Variants in GMDS observed in about 807,000 individuals in gnomAD.
GMDS encodes the protein GDP-mannose 4,6-dehydratase.
In GMDS, 20 loss-of-function variants were observed where a neutral mutation model predicts 49.9. That is an observed-to-expected ratio of 0.40 (90% confidence interval 0.28 to 0.58). GMDS has a LOEUF of 0.58. Ranked by LOEUF, GMDS falls within the 20% of genes least tolerant of loss-of-function variation. The pLI, the probability that GMDS is intolerant of heterozygous loss-of-function variation, is 0.42. For missense variants in GMDS, 362 were observed against 481.4 expected, an observed-to-expected ratio of 0.75 and a Z score of 2.32; for synonymous variants, 177 against 178.6, an observed-to-expected ratio of 0.99 and a Z score of 0.07.
chr6:2,022,307 A>ATCC, intron 4 of GMDS, among the ~76,000 whole-genome samples: 1 of 152,244 alleles, frequency 6.6e-6, no homozygotes, highest in East Asian at 1.9e-4. Flanking sequence ...AAATGGGTGG[A>ATCC]TATAGGATCC....
intron 4 of GMDS, among the ~76,000 whole-genome samples, chr6:1,980,615 A>C (rs1311207879): frequency 6.6e-6 from 1 of 152,126 alleles, no homozygotes; most frequent in Non-Finnish European, 1.5e-5. Context: ...AGACTTTAAC[A>C]CTCCACTGAT....
chr6:1,926,948 T>C (rs1453883127), intron 7 of GMDS, among the ~76,000 whole-genome samples: 2 of 152,240 alleles, frequency 1.3e-5, no homozygotes, highest in Non-Finnish European at 2.9e-5. Context: ...TGTCTCTCCA[T>C]GGAATCTGAC....
intron 9 of GMDS, among the ~76,000 whole-genome samples, chr6:1,687,708 G>A (rs555420536): frequency 7.2e-5 from 11 of 152,244 alleles, no homozygotes; most frequent in South Asian, 2.1e-4. Flanking sequence ...GAGAAGCCAC[G>A]GAGGCTTCTC....
chr6:1,841,570 T>C (rs1757153483), intron 7 of GMDS, among the ~76,000 whole-genome samples: 1 of 152,202 alleles, frequency 6.6e-6, no homozygotes, highest in African/African-American at 2.4e-5. Flanking sequence ...ATTTAAAAGA[T>C]TTCCAAAGAT....
intron 7 of GMDS, among the ~76,000 whole-genome samples, chr6:1,917,698 G>A (rs115241665): frequency 0.01 from 1,558 of 152,356 alleles, 28 homozygotes; most frequent in African/African-American, 0.036. Context: ...CAAAGTAGGC[G>A]CAGCTCTGCT....
chr6:2,243,246 C>G (rs542679472), intron 1 of GMDS, among the ~76,000 whole-genome samples: 1 of 152,262 alleles, frequency 6.6e-6, no homozygotes, highest in Admixed American at 6.5e-5. Flanking sequence ...AGGTAGACTC[C>G]CATGACAGGC....
At chr6:1,811,046 T>G (rs1770406859) in intron 7 of GMDS, among the ~76,000 whole-genome samples, 1 of 152,148 alleles carries the variant, frequency 6.6e-6, no homozygotes, top group South Asian at 2.1e-4. Flanking sequence ...TTTAGGAAGA[T>G]TCTGACAACA....
chr6:1,826,085 G>A (rs1212358906), intron 7 of GMDS, among the ~76,000 whole-genome samples: 2 of 152,272 alleles, frequency 1.3e-5, no homozygotes, highest in Middle Eastern at 3.4e-3. Flanking sequence ...TGCAGCACTG[G>A]AAGTTGCTCT....
rs548685860 is a variant in GMDS at position 1,737,712 on chromosome 6, CAA to C, written c.890+4754_890+4755del. Among the ~76,000 whole-genome samples, 493 of 145,846 alleles carry C rather than the reference CAA, an allele frequency of 3.4e-3. 3 individuals carry two copies. The highest frequency in any genetic ancestry group is 5.5e-3 in the Non-Finnish European group (367 of 66,390). ...TACATACACACACACGCACACACCA[CAA>C]AGACACACCACAAACACACACACAC... On this transcript the variant is annotated intron_variant, in intron 8 of 10. Transcript: ENST00000380815.
chr6:2,175,957 C>T, intron 1 of GMDS: 3 of 1,520,730 alleles, frequency 2.0e-6, no homozygotes, highest in Non-Finnish European at 2.6e-6. Flanking sequence ...GAACCAGAGG[C>T]AATGGTAACG....
chr6:1,829,483 G>C (rs1238800171), intron 7 of GMDS, among the ~76,000 whole-genome samples: 2 of 152,212 alleles, frequency 1.3e-5, no homozygotes, highest in Admixed American at 6.5e-5. Context: ...ATCCAGGCTG[G>C]AGTGCACTGG....
At chr6:1,868,918 C>T (rs552289957) in intron 7 of GMDS, among the ~76,000 whole-genome samples, 81 of 152,184 alleles carry the variant, frequency 5.3e-4, no homozygotes, top group Non-Finnish European at 9.8e-4. Flanking sequence ...TTTGTATCTA[C>T]TCTCCTTCTA....
At chr6:2,103,325 C>T (rs1403532705) in intron 4 of GMDS, among the ~76,000 whole-genome samples, 1 of 152,226 alleles carries the variant, frequency 6.6e-6, no homozygotes, top group African/African-American at 2.4e-5. Flanking sequence ...GTTAAGATAT[C>T]AAATTTACTA....
intron 1 of GMDS, among the ~76,000 whole-genome samples, chr6:2,146,279 G>A (rs943864966): frequency 2.0e-5 from 3 of 152,128 alleles, no homozygotes; most frequent in South Asian, 2.1e-4. Flanking sequence ...TGCTCATACC[G>A]CAAGATGTAG....
intron 4 of GMDS, among the ~76,000 whole-genome samples, chr6:2,015,405 A>C (rs1048677942): frequency 9.2e-5 from 14 of 152,196 alleles, no homozygotes; most frequent in Admixed American, 2.0e-4. Flanking sequence ...CATACTTTCA[A>C]ATAAAAAATA....
intron 1 of GMDS, among the ~76,000 whole-genome samples, chr6:2,215,516 C>G (rs1029391738): frequency 6.9e-6 from 1 of 144,856 alleles, no homozygotes; most frequent in Non-Finnish European, 1.5e-5. Flanking sequence ...GATCTCCCAC[C>G]GGGTCCTTCC....
At chr6:1,979,974 T>A (rs56031192) in intron 4 of GMDS, among the ~76,000 whole-genome samples, 26,502 of 152,110 alleles carry the variant, frequency 0.17, 2,389 homozygotes, top group African/African-American at 0.21. Context: ...AGATTTAAGA[T>A]CCTTTTCAGA....
intron 1 of GMDS, among the ~76,000 whole-genome samples, chr6:2,193,459 A>G (rs163072): frequency 0.16 from 24,969 of 152,194 alleles, 4,764 homozygotes; most frequent in African/African-American, 0.46. Flanking sequence ...ATGCTCCCAA[A>G]GTGTGGCCTC....
At chr6:2,226,729 T>G (rs746119337) in intron 1 of GMDS, among the ~76,000 whole-genome samples, 1 of 152,190 alleles carries the variant, frequency 6.6e-6, no homozygotes, top group South Asian at 2.1e-4. Context: ...TATGAAACCA[T>G]TAAAAACACC....
Sources: gnomAD v4.1 joint callset for allele counts (sites outside exome capture counted in the v4.1 genomes callset) on GRCh38, gnomAD v4.1.1 for gene constraint, MANE v1.5 for transcripts, NCBI Gene and HGNC (gene_info 2026-07-23, HGNC 2026-07-21) for gene names.